The following GABRB1 variants were observed in gnomAD, a reference collection of about 807,000 sequenced individuals.
The protein encoded by GABRB1 is gamma-aminobutyric acid type A receptor subunit beta1.
In GABRB1, 17 loss-of-function variants were observed where a neutral mutation model predicts 51.6. The observed-to-expected ratio is 0.33, with a 90% CI of 0.23 to 0.49. The LOEUF is 0.49. Among genes scored for constraint, GABRB1 ranks in the 20% least tolerant of loss-of-function variants. The pLI is 0.99. For synonymous variants in GABRB1, 247 were observed against 218.9 expected (o/e 1.13, Z -1.14); for missense variants, 410 against 600.6 (o/e 0.68, Z 3.32).
At chr4:47,245,732 G>A (rs988213875) in intron 4 of GABRB1, among the ~76,000 whole-genome samples, 1 of 151,920 alleles carries the variant, frequency 6.6e-6, no homozygotes, top group East Asian at 1.9e-4. Context: ...TCTTACCAGA[G>A]TACTGTGTTC....
chr4:47,365,905 G>T (rs1227973988), intron 5 of GABRB1, among the ~76,000 whole-genome samples: 1 of 152,100 alleles, frequency 6.6e-6, no homozygotes, highest in Non-Finnish European at 1.5e-5. Context: ...AGGATGCTTT[G>T]TTGTCCAGTT....
At chr4:47,121,142 G>T (rs1297891776) in intron 3 of GABRB1, among the ~76,000 whole-genome samples, 1 of 152,090 alleles carries the variant, frequency 6.6e-6, no homozygotes, top group African/African-American at 2.4e-5. Context: ...CTGACCACTG[G>T]GTTGGGTAAA....
chr4:47,253,374 A>T (rs1317066452), intron 4 of GABRB1, among the ~76,000 whole-genome samples: 1 of 152,246 alleles, frequency 6.6e-6, no homozygotes, highest in Non-Finnish European at 1.5e-5. Flanking sequence ...TGTCAGTTGA[A>T]GAAACCCTGA....
At chr4:47,245,795 C>T (rs1231704058) in intron 4 of GABRB1, among the ~76,000 whole-genome samples, 2 of 150,576 alleles carry the variant, frequency 1.3e-5, no homozygotes, top group Non-Finnish European at 3.0e-5. Flanking sequence ...ATTGTGCATA[C>T]TGTGGTCTTT....
chr4:47,235,067 C>A (rs1560596900), intron 4 of GABRB1, among the ~76,000 whole-genome samples: 1 of 152,132 alleles, frequency 6.6e-6, no homozygotes, highest in Non-Finnish European at 1.5e-5. Flanking sequence ...CCCACTTATA[C>A]CCTTCCTTAT....
chr4:47,128,386 T>A (rs774225260), intron 3 of GABRB1, among the ~76,000 whole-genome samples: 23 of 151,752 alleles, frequency 1.5e-4, no homozygotes, highest in Non-Finnish European at 3.0e-4. Flanking sequence ...AAAGGTAGAA[T>A]AAAAAATCCA....
At chr4:47,418,025 G>T (rs573936618) in intron 8 of GABRB1, among the ~76,000 whole-genome samples, 26 of 152,224 alleles carry the variant, frequency 1.7e-4, no homozygotes, top group African/African-American at 4.1e-4. Context: ...TGGAAGAAAG[G>T]CTAAACCCAA....
chr4:47,405,190 C>T (rs1728527341), intron 7 of GABRB1, among the ~76,000 whole-genome samples: 2 of 152,238 alleles, frequency 1.3e-5, no homozygotes, highest in Admixed American at 1.3e-4. Context: ...CTCATTATGA[C>T]ATTTTGTATC....
At chr4:47,218,325 T>C (rs1374088122) in intron 4 of GABRB1, among the ~76,000 whole-genome samples, 1 of 151,878 alleles carries the variant, frequency 6.6e-6, no homozygotes, top group Non-Finnish European at 1.5e-5. Flanking sequence ...TTTGATATAT[T>C]GATTTTATTT....
chr4:47,018,107 C>T (rs1178131937), intron 1 of GABRB1, among the ~76,000 whole-genome samples: 1 of 150,832 alleles, frequency 6.6e-6, no homozygotes, highest in East Asian at 1.9e-4. Flanking sequence ...CCTCTGCCTC[C>T]TCTTCTTCTC....
At chr4:47,372,672 A>G (rs958143535) in intron 5 of GABRB1, among the ~76,000 whole-genome samples, 1 of 152,142 alleles carries the variant, frequency 6.6e-6, no homozygotes, top group African/African-American at 2.4e-5. Flanking sequence ...CATTGAGAGG[A>G]GAAATGTCTT....
At chr4:47,039,160 C>T (rs190453839) in intron 3 of GABRB1, among the ~76,000 whole-genome samples, 1 of 151,830 alleles carries the variant, frequency 6.6e-6, no homozygotes, top group Admixed American at 6.6e-5. Context: ...CTGAAAGATG[C>T]ATTTTTTATC....
rs578185996 is a variant in GABRB1 at position 47,032,356 on chromosome 4, C to T, written c.173-61C>T. 33 of 1,426,394 alleles carry T rather than the reference C, an allele frequency of 2.3e-5. No individual in the cohort carries two copies. In the African/African-American group the frequency reaches 4.1e-4, roughly 18 times the overall value. The allele number at this position is 1,426,394 out of a possible 1,614,324, so 88.4% of individuals were successfully genotyped here. ...GAGTAAGGGCTGGGAAGCCCCCAGA[C>T]CCTCCCCAGCCTGCTGTCACTGAGA... On this transcript the variant is annotated intron_variant, in intron 2 of 8. Transcript: ENST00000295454.
At chr4:47,241,970 T>C (rs953926672) in intron 4 of GABRB1, among the ~76,000 whole-genome samples, 3 of 152,130 alleles carry the variant, frequency 2.0e-5, no homozygotes, top group East Asian at 3.8e-4. Context: ...ATGTGCCATG[T>C]TGGTGTGCTG....
chr4:47,406,415 T>C lies in GABRB1; in HGVS notation c.836-267T>C, dbSNP rs74377024. Among the ~76,000 whole-genome samples, 452 of 152,368 alleles carry C rather than the reference T, an allele frequency of 3.0e-3. 3 individuals carry two copies. Among genetic ancestry groups the C allele is most frequent in the African/African-American group, 0.01 (432 of 41,592 alleles). On this transcript the variant is annotated intron_variant, in intron 7 of 8. Transcript: ENST00000295454. ...GATTTTGATCTGCTTTTCCATCTGC[T>C]TTTGTTTTTATTTTGTGCAATTAAA...
rs143539543 is a variant in GABRB1, at chr4:47,018,054, C to T, written c.-19-13860C>T. On this transcript the variant is annotated intron_variant, in intron 1 of 3. Coordinates refer to the GABRB1 transcript ENST00000513567. ...TCTTCTTTGTCGTCATCTTCCTCCT[C>T]CTCCTCTTCTTCCTCCTCCTCCTTC... Among the ~76,000 whole-genome samples, 747 of 151,898 alleles carry T rather than the reference C, an allele frequency of 4.9e-3. 5 individuals carry two copies. Among genetic ancestry groups the T allele is most frequent in the Middle Eastern group, 0.014 (4 of 294 alleles).
intron 3 of GABRB1, among the ~76,000 whole-genome samples, chr4:47,081,721 A>T (rs1727852398): frequency 6.6e-6 from 1 of 152,066 alleles, no homozygotes; most frequent in Non-Finnish European, 1.5e-5. Context: ...GGATATTAGA[A>T]CCCATGAAAA....
intron 4 of GABRB1, among the ~76,000 whole-genome samples, chr4:47,285,529 G>A (rs1381775062): frequency 6.6e-6 from 1 of 152,066 alleles, no homozygotes; most frequent in Non-Finnish European, 1.5e-5. Flanking sequence ...TCCTAACTAT[G>A]AGCCACTACT....
chr4:47,377,482 G>A (rs1379816668), intron 5 of GABRB1, among the ~76,000 whole-genome samples: 1 of 152,030 alleles, frequency 6.6e-6, no homozygotes, highest in Non-Finnish European at 1.5e-5. Context: ...GGATGTGAGT[G>A]TTACAGCTCA....
Sources: gnomAD v4.1 joint callset for allele counts (sites outside exome capture counted in the v4.1 genomes callset) on GRCh38, gnomAD v4.1.1 for gene constraint, MANE v1.5 for transcripts, NCBI Gene and HGNC (gene_info 2026-07-23, HGNC 2026-07-21) for gene names.